MYOM2: variants seen among roughly 807,000 people sequenced by gnomAD.
MYOM2 encodes myomesin-2.
Under a neutral mutation model 187.6 loss-of-function variants are expected in MYOM2, and 254 were observed. That is an observed-to-expected ratio of 1.35 (90% CI 1.22 to 1.50). The LOEUF is 1.50. Ranked by LOEUF, MYOM2 falls within the 40% of genes most tolerant of loss-of-function variation. The probability of loss-of-function intolerance (pLI) is 0.00; values close to 1 mark genes in which losing one functional copy is unlikely to be tolerated. For missense variants in MYOM2, 2,796 were observed against 1,924.0 expected (o/e 1.45, Z -8.48); for synonymous variants, 981 against 753.8 (o/e 1.30, Z -4.94).
intron 25 of MYOM2, among the ~76,000 whole-genome samples, chr8:2,109,770 A>G (rs1040310338): frequency 6.6e-6 from 1 of 152,228 alleles, no homozygotes; most frequent in Admixed American, 6.5e-5. Flanking sequence ...GGAATTAAAA[A>G]TGACTTTGAG....
rs779516737 is a variant in MYOM2, at chr8:2,085,227, G to T, written c.1517-36G>T. The T allele has an allele frequency of 1.0e-5, 16 of 1,604,022 alleles. No homozygotes were observed. The African/African-American group carries it at 1.2e-4, about 12-fold the overall frequency. On this transcript the variant is annotated intron_variant, in intron 13 of 36. Transcript: ENST00000262113. The stretch of plus-strand genomic sequence containing the variant: ...GTGGGCTGCAGCGAGGCTGATGGGG[G>T]TCCTTCAGCACTCACCGAATTTATT...
intron 19 of MYOM2, among the ~76,000 whole-genome samples, chr8:2,099,792 T>A (rs1262210984): frequency 1.3e-5 from 2 of 152,206 alleles, no homozygotes; most frequent in Non-Finnish European, 2.9e-5. Context: ...CTATCAGGAA[T>A]TAAGTGCAAT....
At chr8:2,058,313 T>C (rs549652559) in intron 5 of MYOM2, among the ~76,000 whole-genome samples, 1 of 152,248 alleles carries the variant, frequency 6.6e-6, no homozygotes, top group Admixed American at 6.5e-5. Context: ...GCCACACGCC[T>C]GACCAGAGTG....
chr8:2,144,649 C>A lies in MYOM2; in HGVS notation c.4081-15C>A, dbSNP rs1323229758. 1 of 1,611,350 alleles carries A rather than the reference C, an allele frequency of 6.2e-7. No homozygotes were observed. The highest frequency in any genetic ancestry group is 1.3e-5 in the African/African-American group (1 of 74,576). ...TTCTAACTCTTCCTTCTCCACCAAC[C>A]TCTTCCGTCCAAAGACCTTGAATCT... is the stretch of plus-strand genomic sequence containing the variant. On this transcript the variant is annotated splice_polypyrimidine_tract_variant and intron_variant, in intron 36 of 36. Coordinates refer to ENST00000262113, the MANE Select transcript of MYOM2 (RefSeq NM_003970.4).
At chr8:2,110,177 G>A (rs1364487596) in intron 25 of MYOM2, among the ~76,000 whole-genome samples, 10 of 152,180 alleles carry the variant, frequency 6.6e-5, no homozygotes, top group Non-Finnish European at 1.3e-4. Flanking sequence ...TAAGAAATTA[G>A]TTGGGCATGG....
chr8:2,138,479 C>T (rs2116912832), intron 32 of MYOM2, among the ~76,000 whole-genome samples: 1 of 152,336 alleles, frequency 6.6e-6, no homozygotes, highest in East Asian at 1.9e-4. Flanking sequence ...TGGTCCGATT[C>T]TCCCGCCTCT....
intron 23 of MYOM2, 138 bp downstream of exon 23, chr8:2,106,735 A>C: frequency 1.6e-6 from 1 of 617,616 alleles, no homozygotes; most frequent in East Asian, 2.8e-5. Flanking sequence ...CTATGTATAT[A>C]AGCCAAAACT....
At chr8:2,109,290 C>A in intron 24 of MYOM2, 105 bp from the exon 25 acceptor site, 3 of 1,311,760 alleles carry the variant, frequency 2.3e-6, no homozygotes, top group East Asian at 2.5e-5. Flanking sequence ...GTTTCACATT[C>A]TCAAAAATCT....
At chr8:2,084,412 G>A (rs1026739381) in intron 13 of MYOM2, among the ~76,000 whole-genome samples, 2 of 152,226 alleles carry the variant, frequency 1.3e-5, no homozygotes, top group African/African-American at 4.8e-5. Context: ...GAGCAACTGG[G>A]TTTTGAGAAT....
At chr8:2,131,724 A>T (rs1469755538) in intron 32 of MYOM2, among the ~76,000 whole-genome samples, 1 of 149,606 alleles carries the variant, frequency 6.7e-6, no homozygotes, top group African/African-American at 2.5e-5. Flanking sequence ...GCTCACTGCA[A>T]GCTCAGCCTC....
chr8:2,105,828 G>A (rs901553652), intron 21 of MYOM2, among the ~76,000 whole-genome samples: 1 of 152,112 alleles, frequency 6.6e-6, no homozygotes, highest in South Asian at 2.1e-4. Context: ...GTACCCCCTC[G>A]GCATTAGTCC....
Position 2,093,657 on chromosome 8 carries a change from C to G in MYOM2, c.2004-313C>G, listed in dbSNP as rs1796382469. On this transcript the variant is annotated intron_variant, in intron 16 of 36. Coordinates refer to ENST00000262113, the MANE Select transcript of MYOM2 (RefSeq NM_003970.4). ...TAATTAAGTTTTACATACACGGGTTCTTTTAGATAAGAAATGGCATACTGT... is the reference window on the plus strand; with the variant it reads ...TAATTAAGTTTTACATACACGGGTTGTTTTAGATAAGAAATGGCATACTGT... 2.0e-5 allele frequency among the ~76,000 whole-genome samples: 3 copies of G among 152,150 alleles called. 1 individual carries two copies. The highest frequency in any genetic ancestry group is 4.4e-5 in the Non-Finnish European group (3 of 68,044).
chr8:2,093,805 TACTGTCGG>T (rs1796387676), intron 16 of MYOM2, among the ~76,000 whole-genome samples, 157 bp from the exon 17 acceptor site: 1 of 152,210 alleles, frequency 6.6e-6, no homozygotes, highest in Admixed American at 6.5e-5. Context: ...GCTGTGACCT[TACTGTCGG>T]ACTCTACATG....
intron 32 of MYOM2, among the ~76,000 whole-genome samples, chr8:2,138,607 C>T (rs994509110): frequency 6.6e-6 from 1 of 152,202 alleles, no homozygotes; most frequent in African/African-American, 2.4e-5. Flanking sequence ...TAGATAGAAC[C>T]AAAGTGCTCA....
At chr8:2,094,361 A>G (rs980565209) in intron 17 of MYOM2, among the ~76,000 whole-genome samples, 1 of 152,032 alleles carries the variant, frequency 6.6e-6, no homozygotes, top group Non-Finnish European at 1.5e-5. Context: ...TCATGTTAAA[A>G]TATATGCTGT....
In MYOM2 at chr8:2,075,212, G is replaced by A. The variant is rs116111686; in HGVS notation, c.1121-929G>A. 9.9e-3 allele frequency among the ~76,000 whole-genome samples: 1,509 copies of A among 152,214 alleles called. 31 individuals are homozygous for A. The highest frequency in any genetic ancestry group is 0.035 in the African/African-American group (1,452 of 41,526). On this transcript the variant is annotated intron_variant, in intron 10 of 36. Coordinates refer to ENST00000262113, the MANE Select transcript of MYOM2 (RefSeq NM_003970.4). ...CGAGTCTGTGAGGTTAGACACTCCCGCCAAGTTTCACTGCTGTTGTTAGGC... is the reference window on the plus strand; with the variant it reads ...CGAGTCTGTGAGGTTAGACACTCCCACCAAGTTTCACTGCTGTTGTTAGGC...
intron 25 of MYOM2, among the ~76,000 whole-genome samples, chr8:2,113,522 G>C (rs936608181): frequency 2.0e-5 from 3 of 152,162 alleles, no homozygotes; most frequent in African/African-American, 7.2e-5. Context: ...AGGTCAAAGA[G>C]GGTGGTGCAG....
At chr8:2,072,856 C>T (rs1819282446) in intron 9 of MYOM2, among the ~76,000 whole-genome samples, 1 of 152,210 alleles carries the variant, frequency 6.6e-6, no homozygotes, top group Non-Finnish European at 1.5e-5. Flanking sequence ...GACAGAAATG[C>T]TACCTTAGTC....
chr8:2,084,895 G>C (rs997497153), intron 13 of MYOM2: 3 of 189,968 alleles, frequency 1.6e-5, no homozygotes, highest in African/African-American at 7.0e-5. Context: ...TATTTCAGAA[G>C]ACAGACTGTG....
Sources: allele counts gnomAD v4.1 joint callset (sites outside exome capture counted in the v4.1 genomes callset), GRCh38; gene constraint gnomAD v4.1.1; transcripts MANE v1.5; gene names NCBI Gene and HGNC (gene_info 2026-07-23, HGNC 2026-07-21).